The following FRS2 variants were observed in gnomAD, a reference collection of about 807,000 sequenced individuals.
FRS2 encodes the protein FGFR signalling adaptor.
Under a neutral mutation model 43.9 loss-of-function variants are expected in FRS2, and 8 were observed. The observed-to-expected ratio is 0.18, with a 90% CI of 0.11 to 0.33. FRS2 has a LOEUF of 0.33. Ranked by LOEUF, FRS2 falls within the 10% of genes least tolerant of loss-of-function variation. FRS2 has a pLI of 1.00. For synonymous variants in FRS2, 219 were observed against 220.3 expected (o/e 0.99, Z 0.05); for missense variants, 534 against 627.6 (o/e 0.85, Z 1.59).
In FRS2 at chr12:69,572,238, T is replaced by C. The variant is rs1400157806; in HGVS notation, c.533T>C (p.Val178Ala). 2 of 1,612,670 alleles carry C rather than the reference T, an allele frequency of 1.2e-6. No homozygotes were observed. The highest frequency in any genetic ancestry group is 8.5e-7 in the Non-Finnish European group (1 of 1,179,262). Residue 178 changes from valine to alanine, a missense_variant, in exon 8 of 9, where the codon GTA becomes GCA. Physicochemically the swap from Val to Ala is moderately conservative, Grantham distance 64. Coordinates refer to ENST00000549921, the MANE Select transcript of FRS2 (RefSeq NM_001278356.2). ...PSVGSARLPS[V>A]GEESTHPLLV... ...GTGGGAAGTGCTCGCCTGCCTTCAGTAGGGGAAGAATCTACACATCCTTTG... is the reference window on the plus strand; with the variant it reads ...GTGGGAAGTGCTCGCCTGCCTTCAGCAGGGGAAGAATCTACACATCCTTTG...
chr12:69,564,116 C>T (rs2135785351), intron 4 of FRS2, among the ~76,000 whole-genome samples: 1 of 152,258 alleles, frequency 6.6e-6, no homozygotes, highest in South Asian at 2.1e-4. Flanking sequence ...TCTTCAAAGA[C>T]CAGTTTCCAT....
intron 5 of FRS2, among the ~76,000 whole-genome samples, chr12:69,570,080 C>T (rs1880618486): frequency 6.6e-6 from 1 of 152,180 alleles, no homozygotes; most frequent in African/African-American, 2.4e-5. Context: ...TCTGCAGCCT[C>T]TGTTGCATTC....
rs1028246998 is a variant in FRS2, at chr12:69,501,952, T to G, written c.-260-28913T>G. ...AACTGTATGGAGAAACACCTATCTG[T>G]TTTTTTTGTTTTGTTTTTTTTGTTT... On this transcript the variant is annotated intron_variant, in intron 1 of 8. Transcript: ENST00000549921. Among the ~76,000 whole-genome samples the G allele has an allele frequency of 1.7e-4, 22 of 128,502 alleles. No homozygotes were observed. In the East Asian group the frequency reaches 6.9e-3, roughly 40 times the overall value. 84.3% of individuals were successfully genotyped at this position (128,502 alleles called of 152,430 possible).
chr12:69,543,190 T>G (rs865980528), intron 3 of FRS2, among the ~76,000 whole-genome samples: 15 of 152,346 alleles, frequency 9.8e-5, no homozygotes, highest in Middle Eastern at 3.4e-3. Flanking sequence ...TAAGTGATAA[T>G]TTTGAGCCCC....
intron 1 of FRS2, among the ~76,000 whole-genome samples, chr12:69,486,850 G>C (rs1871999347): frequency 6.6e-6 from 1 of 152,122 alleles, no homozygotes; most frequent in Non-Finnish European, 1.5e-5. Flanking sequence ...CCCTAATTCT[G>C]TTCAATTATA....
At chr12:69,477,450 T>C (rs1361037108) in intron 1 of FRS2, among the ~76,000 whole-genome samples, 1 of 151,040 alleles carries the variant, frequency 6.6e-6, no homozygotes, top group Non-Finnish European at 1.5e-5. Flanking sequence ...GCCTGGCTAA[T>C]TTTTTGTATT....
chr12:69,511,874 C>G (rs964590155), intron 1 of FRS2, among the ~76,000 whole-genome samples: 3 of 152,174 alleles, frequency 2.0e-5, no homozygotes, highest in Non-Finnish European at 4.4e-5. Context: ...TAAATATTGG[C>G]TGCTCTTATT....
At chr12:69,548,250 G>A (rs561961993) in intron 3 of FRS2, among the ~76,000 whole-genome samples, 1 of 152,202 alleles carries the variant, frequency 6.6e-6, no homozygotes, top group African/African-American at 2.4e-5. Flanking sequence ...GAAGGCTGTT[G>A]GAAAAATTCA....
intron 3 of FRS2, among the ~76,000 whole-genome samples, chr12:69,542,562 A>G (rs1878012416): frequency 1.3e-5 from 2 of 152,232 alleles, no homozygotes; most frequent in Admixed American, 1.3e-4. Context: ...AAAGAAAGAA[A>G]ATATTTAAAC....
intron 1 of FRS2, among the ~76,000 whole-genome samples, chr12:69,476,942 T>A (rs1837860259): frequency 6.6e-6 from 1 of 152,196 alleles, no homozygotes; most frequent in Non-Finnish European, 1.5e-5. Context: ...AGAAATAGCT[T>A]GGACCCTCTG....
At chr12:69,504,427 G>A (rs1484539929) in intron 1 of FRS2, among the ~76,000 whole-genome samples, 2 of 152,066 alleles carry the variant, frequency 1.3e-5, no homozygotes, top group African/African-American at 4.8e-5. Context: ...TGAAGTGAGA[G>A]TTTATTTAAG....
intron 1 of FRS2, among the ~76,000 whole-genome samples, chr12:69,496,329 CAGGCGGCTGAGGCAAGAG>C (rs1872889739): frequency 6.6e-6 from 1 of 151,992 alleles, no homozygotes; most frequent in Admixed American, 6.6e-5. Flanking sequence ...CCCAGTTACT[CAGGCGGCTGAGGCAAGAG>C]AATTGCTTGA....
intron 1 of FRS2, among the ~76,000 whole-genome samples, chr12:69,504,189 G>A (rs1271908950): frequency 1.3e-5 from 2 of 152,146 alleles, no homozygotes; most frequent in Admixed American, 6.6e-5. Context: ...AATAGATACA[G>A]CCTGGTAATT....
chr12:69,502,814 C>G (rs2035548946), intron 1 of FRS2, among the ~76,000 whole-genome samples: 1 of 152,172 alleles, frequency 6.6e-6, no homozygotes, highest in South Asian at 2.1e-4. Flanking sequence ...TAGTCTGCCT[C>G]TGGTCTTCCT....
intron 1 of FRS2, among the ~76,000 whole-genome samples, chr12:69,507,763 G>A (rs958559136): frequency 2.6e-5 from 4 of 152,070 alleles, no homozygotes; most frequent in Non-Finnish European, 5.9e-5. Flanking sequence ...GGTGGCTCAC[G>A]CCTGTAATCC....
intron 1 of FRS2, among the ~76,000 whole-genome samples, chr12:69,489,498 C>T (rs992337994): frequency 7.9e-5 from 12 of 151,870 alleles, no homozygotes; most frequent in African/African-American, 2.9e-4. Context: ...GGTGAAATGC[C>T]GTCTCTACTA....
At chr12:69,558,390 G>C (rs1211239137) in intron 3 of FRS2, among the ~76,000 whole-genome samples, 1 of 152,180 alleles carries the variant, frequency 6.6e-6, no homozygotes, top group Non-Finnish European at 1.5e-5. Flanking sequence ...AAGATTTTAA[G>C]GGGAAATGTG....
In FRS2 at chr12:69,576,236, G is replaced by C. The variant is rs1881182537; in HGVS notation, c.*1281G>C. The C allele has an allele frequency of 6.6e-6, 1 of 152,170 alleles. No individual in the cohort carries two copies. The allele number at this position is 152,170 out of a possible 1,614,324, so 9.4% of individuals were successfully genotyped here. The stretch of plus-strand genomic sequence containing the variant: ...ACTCTGCCCACTCTAGTGTTCCTCA[G>C]CTCTGCTGTCCTTTTACTTGTAGCT... On this transcript the variant is annotated 3_prime_UTR_variant, in exon 9 of 9. Coordinates refer to ENST00000549921, the MANE Select transcript of FRS2 (RefSeq NM_001278356.2).
rs959447832 is a variant in FRS2 at position 69,575,505 on chromosome 12, C to A, written c.*550C>A. On this transcript the variant is annotated 3_prime_UTR_variant, in exon 9 of 9. Coordinates refer to ENST00000549921, the MANE Select transcript of FRS2 (RefSeq NM_001278356.2). ...GCACCTCCTCTTACACCAGTCAGCTCCTTTGCCTTCAGTGTTACTAGAAAG... is the reference window on the plus strand; with the variant it reads ...GCACCTCCTCTTACACCAGTCAGCTACTTTGCCTTCAGTGTTACTAGAAAG... The A allele has an allele frequency of 6.5e-6, 1 of 152,882 alleles. No homozygotes were observed. The highest frequency in any genetic ancestry group is 1.5e-5 in the Non-Finnish European group (1 of 68,360). 9.5% of individuals were successfully genotyped at this position (152,882 alleles called of 1,614,324 possible).
Sources: gnomAD v4.1 joint callset for allele counts (sites outside exome capture counted in the v4.1 genomes callset) on GRCh38, gnomAD v4.1.1 for gene constraint, MANE v1.5 for transcripts, NCBI Gene and HGNC (gene_info 2026-07-23, HGNC 2026-07-21) for gene names.